DPP10: variants seen among roughly 807,000 people sequenced by gnomAD.
The protein encoded by DPP10 is inactive dipeptidyl peptidase 10.
Under a neutral mutation model 120.9 loss-of-function variants are expected in DPP10, and 33 were observed. That is an observed-to-expected ratio of 0.27 (90% confidence interval 0.21 to 0.37). The LOEUF is 0.37. Among genes scored for constraint, DPP10 ranks in the 10% least tolerant of loss-of-function variants. The probability of loss-of-function intolerance (pLI) is 1.00; values close to 1 mark genes in which losing one functional copy is unlikely to be tolerated. For synonymous variants in DPP10, 337 were observed against 326.1 expected (o/e 1.03, Z -0.36); for missense variants, 816 against 942.8 (o/e 0.87, Z 1.76).
intron 21 of DPP10, among the ~76,000 whole-genome samples, chr2:115,821,054 T>C (rs1274992709): frequency 6.6e-6 from 1 of 152,192 alleles, no homozygotes; most frequent in African/African-American, 2.4e-5. Flanking sequence ...CTGTTTTCCG[T>C]AGTGGTTGTA....
chr2:114,578,319 T>C (rs1290668665), intron 1 of DPP10, among the ~76,000 whole-genome samples: 1 of 152,248 alleles, frequency 6.6e-6, no homozygotes, highest in African/African-American at 2.4e-5. Context: ...TGTGTGGTAT[T>C]CAAATTAAGG....
intron 1 of DPP10, among the ~76,000 whole-genome samples, chr2:114,836,274 A>G (rs1426653698): frequency 6.6e-6 from 1 of 152,198 alleles, no homozygotes; most frequent in East Asian, 1.9e-4. Context: ...GGGGAAATTC[A>G]GCCAGATATC....
intron 1 of DPP10, among the ~76,000 whole-genome samples, chr2:115,057,864 G>T (rs577785069): frequency 5.3e-5 from 8 of 152,272 alleles, no homozygotes; most frequent in Admixed American, 3.3e-4. Flanking sequence ...AGATGGGCTA[G>T]GCCAGACCTT....
chr2:114,940,654 C>T (rs1400244793), intron 1 of DPP10, among the ~76,000 whole-genome samples: 1 of 151,656 alleles, frequency 6.6e-6, no homozygotes, highest in Non-Finnish European at 1.5e-5. Flanking sequence ...AGATATGAAA[C>T]TTTGTCTTTA....
At chr2:114,608,289 A>G (rs1158895204) in intron 1 of DPP10, among the ~76,000 whole-genome samples, 2 of 152,140 alleles carry the variant, frequency 1.3e-5, no homozygotes, top group Non-Finnish European at 2.9e-5. Context: ...CAAAGCTGAC[A>G]TACTTACCAC....
At chr2:114,491,418 A>G (rs757126874) in intron 1 of DPP10, among the ~76,000 whole-genome samples, 1 of 152,128 alleles carries the variant, frequency 6.6e-6, no homozygotes, top group East Asian at 1.9e-4. Context: ...CTTGCAATGG[A>G]TATCCTTTGT....
intron 2 of DPP10, 123 bp downstream of exon 2, chr2:115,309,476 G>A: frequency 1.3e-6 from 1 of 786,638 alleles, no homozygotes. Context: ...GTTGGAATTT[G>A]GAAAAAAAGC....
intron 1 of DPP10, among the ~76,000 whole-genome samples, chr2:114,451,463 T>C (rs571888965): frequency 2.0e-5 from 3 of 152,150 alleles, no homozygotes; most frequent in African/African-American, 7.2e-5. Flanking sequence ...TTGTCGTTGG[T>C]GGGAAGGGAG....
At chr2:114,537,134 G>A (rs996817752) in intron 1 of DPP10, among the ~76,000 whole-genome samples, 2 of 152,118 alleles carry the variant, frequency 1.3e-5, no homozygotes, top group African/African-American at 4.8e-5. Context: ...ATGCCTTTAG[G>A]AGGGTGTGTG....
intron 5 of DPP10, among the ~76,000 whole-genome samples, chr2:115,608,069 C>G (rs1477261014): frequency 3.9e-5 from 6 of 152,028 alleles, no homozygotes; most frequent in African/African-American, 1.4e-4. Context: ...CAAGCACTAA[C>G]AAAACAGGAA....
At chr2:115,239,657 G>T (rs781689736) in intron 1 of DPP10, among the ~76,000 whole-genome samples, 30 of 152,184 alleles carry the variant, frequency 2.0e-4, no homozygotes, top group Non-Finnish European at 3.7e-4. Flanking sequence ...GAACGTGCAG[G>T]TTTGTTGCAT....
intron 1 of DPP10, among the ~76,000 whole-genome samples, chr2:115,171,740 C>A (rs1256140455): frequency 2.0e-5 from 3 of 149,150 alleles, no homozygotes; most frequent in Admixed American, 1.3e-4. Context: ...AAAAAAAAAA[C>A]AAGTTTTAAA....
At chr2:115,708,310 T>C (rs1040479739) in intron 7 of DPP10, among the ~76,000 whole-genome samples, 1 of 152,032 alleles carries the variant, frequency 6.6e-6, no homozygotes, top group Non-Finnish European at 1.5e-5. Context: ...AACTGTGACT[T>C]GGACCTTAAT....
At chr2:114,503,847 G>A (rs948559661) in intron 1 of DPP10, among the ~76,000 whole-genome samples, 3 of 152,108 alleles carry the variant, frequency 2.0e-5, no homozygotes, top group African/African-American at 7.2e-5. Context: ...CACTAGAAAG[G>A]CTTTTTGGTT....
intron 1 of DPP10, among the ~76,000 whole-genome samples, chr2:115,226,129 C>G (rs2057423151): frequency 1.3e-5 from 2 of 152,120 alleles, no homozygotes; most frequent in African/African-American, 4.8e-5. Context: ...ATGCTGTTCT[C>G]ATTAGTCTGG....
chr2:114,495,173 A>G (rs750713208), intron 1 of DPP10, among the ~76,000 whole-genome samples: 10 of 152,176 alleles, frequency 6.6e-5, no homozygotes, highest in Non-Finnish European at 1.2e-4. Flanking sequence ...TGTCTTTGTT[A>G]TAAAATTTTA....
chr2:115,334,238 T>TTTTTTTTTTTTTTTTTTTTTTTTTTA (rs2062979003), intron 2 of DPP10, among the ~76,000 whole-genome samples: 1 of 138,842 alleles, frequency 7.2e-6, no homozygotes. Flanking sequence ...CTGTTTTTTT[T>TTTTTTTTTTTTTTTTTTTTTTTTTTA]TTTTTTTTAA....
intron 1 of DPP10, among the ~76,000 whole-genome samples, chr2:114,591,377 C>T (rs1215137230): frequency 6.6e-6 from 1 of 152,150 alleles, no homozygotes; most frequent in Non-Finnish European, 1.5e-5. Flanking sequence ...CAGACTGGTC[C>T]ATCAACGCTG....
chr2:114,877,165 G>A (rs1261741340), intron 1 of DPP10, among the ~76,000 whole-genome samples: 1 of 151,952 alleles, frequency 6.6e-6, no homozygotes, highest in East Asian at 1.9e-4. Context: ...CAGAACAGTA[G>A]AAACACTGCA....
Sources: allele counts gnomAD v4.1 joint callset (sites outside exome capture counted in the v4.1 genomes callset), GRCh38; gene constraint gnomAD v4.1.1; transcripts MANE v1.5; gene names NCBI Gene and HGNC (gene_info 2026-07-23, HGNC 2026-07-21).